The following PTGER3 variants were observed in gnomAD, a reference collection of about 807,000 sequenced individuals.
The protein encoded by PTGER3 is prostaglandin E2 receptor EP3 subtype.
In PTGER3, 22 loss-of-function variants were observed where a neutral mutation model predicts 34.7. That is an observed-to-expected ratio of 0.63 (90% confidence interval 0.45 to 0.91). The LOEUF (loss-of-function observed/expected upper bound fraction) is 0.91. PTGER3 is among the 40% of genes least tolerant of loss of function. The probability of loss-of-function intolerance (pLI) is 0.00; values close to 1 mark genes in which losing one functional copy is unlikely to be tolerated. For missense variants in PTGER3, 468 were observed against 519.4 expected, an observed-to-expected ratio of 0.90 and a Z score of 0.96; for synonymous variants, 241 against 230.1, an observed-to-expected ratio of 1.05 and a Z score of -0.43.
chr1:70,861,191 CAA>C (rs945662887), intron 4 of PTGER3, among the ~76,000 whole-genome samples: 8 of 152,136 alleles, frequency 5.3e-5, no homozygotes, highest in African/African-American at 1.9e-4. Flanking sequence ...GCAAGAAATT[CAA>C]AGAGGTCCTA....
chr1:70,906,016 T>C (rs1646939439), intron 4 of PTGER3, among the ~76,000 whole-genome samples: 1 of 146,140 alleles, frequency 6.8e-6, no homozygotes, highest in African/African-American at 2.5e-5. Flanking sequence ...TGATAGTGGA[T>C]GAATCTCATA....
intron 2 of PTGER3, among the ~76,000 whole-genome samples, chr1:70,988,176 C>A (rs989478615): frequency 6.6e-6 from 1 of 152,170 alleles, no homozygotes; most frequent in African/African-American, 2.4e-5. Context: ...ACTTATCATT[C>A]AGCTTCTCTT....
downstream of PTGER3, chr1:70,950,805 T>A (rs1650687914): frequency 6.6e-6 from 1 of 152,124 alleles, no homozygotes. Context: ...TTCAAGCGAT[T>A]CTCTCACCTC....
At chr1:70,941,199 T>C (rs766563737) in intron 4 of PTGER3, among the ~76,000 whole-genome samples, 5 of 152,310 alleles carry the variant, frequency 3.3e-5, no homozygotes, top group Non-Finnish European at 5.9e-5. Flanking sequence ...TGTAATGATT[T>C]TCTGTTTTAT....
chr1:70,879,192 T>TAGGATATATATGTAGGATATATA (rs1646334187), intron 4 of PTGER3, among the ~76,000 whole-genome samples: 3 of 152,166 alleles, frequency 2.0e-5, no homozygotes, highest in African/African-American at 7.2e-5. Flanking sequence ...TAAGGTCTTC[T>TAGGATATATATGTAGGATATATA]TGTTGGATTG....
chr1:70,934,392 G>A (rs1649012464), intron 4 of PTGER3, among the ~76,000 whole-genome samples: 1 of 152,130 alleles, frequency 6.6e-6, no homozygotes, highest in Non-Finnish European at 1.5e-5. Flanking sequence ...TAAAACACAT[G>A]TCTCAAAGTG....
chr1:71,044,835 G>A (rs530272124), intron 1 of PTGER3, among the ~76,000 whole-genome samples: 1 of 152,108 alleles, frequency 6.6e-6, no homozygotes, highest in Admixed American at 6.5e-5. Flanking sequence ...TTTTTCCCTA[G>A]GATATAAATC....
At chr1:70,913,842 T>TA (rs1418456352) in intron 4 of PTGER3, among the ~76,000 whole-genome samples, 1 of 151,874 alleles carries the variant, frequency 6.6e-6, no homozygotes, top group Non-Finnish European at 1.5e-5. Flanking sequence ...CATGATTTGT[T>TA]ATGCTTTATA....
chr1:71,016,914 T>C (rs1250244048), intron 1 of PTGER3, among the ~76,000 whole-genome samples: 1 of 152,118 alleles, frequency 6.6e-6, no homozygotes, highest in Non-Finnish European at 1.5e-5. Flanking sequence ...ATATGGACAA[T>C]TATACACCGA....
intron 4 of PTGER3, among the ~76,000 whole-genome samples, chr1:70,888,152 C>T (rs1572556462): frequency 6.6e-6 from 1 of 152,158 alleles, no homozygotes; most frequent in South Asian, 2.1e-4. Context: ...TCAAAAAGCC[C>T]TCTTAGCAGA....
At chr1:71,025,064 C>T (rs1306111569) in intron 1 of PTGER3, among the ~76,000 whole-genome samples, 3 of 125,240 alleles carry the variant, frequency 2.4e-5, no homozygotes, top group Admixed American at 8.5e-5. Flanking sequence ...CCCCCTCCCC[C>T]ACCCCACAAT....
At position 70,970,930 on chromosome 1, in the gene PTGER3, T is replaced by A. The variant is rs574221902; in HGVS notation, c.*800A>T. ...CTGCCAGAAAAGAAATATTAAGAAATCCTGACTTGGTCATGGTGAATCAGA... is the reference window on the plus strand; with the variant it reads ...CTGCCAGAAAAGAAATATTAAGAAAACCTGACTTGGTCATGGTGAATCAGA... On this transcript the variant is annotated 3_prime_UTR_variant, in exon 4 of 4. Coordinates refer to ENST00000306666, the MANE Select transcript of PTGER3 (RefSeq NM_198719.2). 3.6e-5 allele frequency: 35 copies of A among 985,396 alleles called. No individual in the cohort carries two copies. In the South Asian group the frequency reaches 1.4e-3, roughly 40 times the overall value. The allele number at this position is 985,396 out of a possible 1,614,324, so 61.0% of individuals were successfully genotyped here. A position where few individuals can be genotyped will look rare whatever the true frequency, so the allele number is the denominator to read the frequency against.
At chr1:71,039,718 T>C (rs1660141386) in intron 1 of PTGER3, among the ~76,000 whole-genome samples, 1 of 151,860 alleles carries the variant, frequency 6.6e-6, no homozygotes, top group Admixed American at 6.6e-5. Flanking sequence ...CATTTTTCTT[T>C]CTGTTTCTGA....
intron 2 of PTGER3, among the ~76,000 whole-genome samples, chr1:70,976,267 G>A (rs901842172): frequency 3.3e-5 from 5 of 152,066 alleles, no homozygotes; most frequent in African/African-American, 9.7e-5. Context: ...AATAGTGGAC[G>A]CGTCATTATA....
At chr1:71,038,013 T>C (rs960704471) in intron 1 of PTGER3, among the ~76,000 whole-genome samples, 4 of 152,240 alleles carry the variant, frequency 2.6e-5, no homozygotes, top group Non-Finnish European at 2.9e-5. Context: ...GGTAGCAAGA[T>C]GTTACCAGTG....
chr1:71,010,771 G>C (rs1231683759), intron 2 of PTGER3: 4 of 984,990 alleles, frequency 4.1e-6, no homozygotes, highest in Non-Finnish European at 4.8e-6. Context: ...AACAGATTTT[G>C]TCTCCAAATT....
chr1:70,995,468 G>A (rs1222358901), intron 2 of PTGER3, among the ~76,000 whole-genome samples: 1 of 152,090 alleles, frequency 6.6e-6, no homozygotes, highest in Non-Finnish European at 1.5e-5. Context: ...AGAAAAATGA[G>A]ATTAGAAGGA....
chr1:70,923,764 G>A (rs1572658964), intron 4 of PTGER3, among the ~76,000 whole-genome samples: 1 of 152,150 alleles, frequency 6.6e-6, no homozygotes, highest in Non-Finnish European at 1.5e-5. Flanking sequence ...AAAATTTGGA[G>A]CATATTTGTT....
chr1:70,895,065 TG>T (rs1383651503), intron 4 of PTGER3, among the ~76,000 whole-genome samples: 13 of 152,232 alleles, frequency 8.5e-5, no homozygotes, highest in African/African-American at 2.9e-4. Context: ...GACTCTCAAT[TG>T]ATTATTGATT....
Sources: allele counts gnomAD v4.1 joint callset (sites outside exome capture counted in the v4.1 genomes callset), GRCh38; gene constraint gnomAD v4.1.1; transcripts MANE v1.5; gene names NCBI Gene and HGNC (gene_info 2026-07-23, HGNC 2026-07-21).